IFI16: variants seen among roughly 807,000 people sequenced by gnomAD.
IFI16 encodes gamma-interferon-inducible protein 16.
Under a neutral mutation model 68.4 loss-of-function variants are expected in IFI16, and 49 were observed. The ratio of observed to expected loss-of-function variants is 0.72; its 90% CI spans 0.57 to 0.91. The LOEUF is 0.91. Ranked by LOEUF, IFI16 falls within the 40% of genes least tolerant of loss-of-function variation. The pLI is 0.00. For missense variants in IFI16, 878 were observed against 942.9 expected (o/e 0.93, Z 0.90); for synonymous variants, 307 against 315.0 (o/e 0.97, Z 0.27).
chr1:159,014,817 T>C lies in IFI16; in HGVS notation c.137T>C (p.Ile46Thr). 1 of 1,614,126 alleles carries C rather than the reference T, an allele frequency of 6.2e-7. No individual in the cohort carries two copies. Among genetic ancestry groups the C allele is most frequent in the Non-Finnish European group, 8.5e-7 (1 of 1,179,964 alleles). The change falls in exon 2 of 12, where the codon ATT becomes ACT. Residue 46 changes from isoleucine to threonine, a missense_variant. Physicochemically the swap from Ile to Thr is moderately conservative, Grantham distance 89. Around this residue, in one of 4 missense-constraint regions of IFI16, gnomAD observed 65 missense variants for 96.9 expected, o/e 0.67. Transcript: ENST00000295809. The part of the protein sequence containing the change: ...NLKMREEYDK[I>T]QIADLMEEKF... ...AAAATGAGAGAAGAGTATGACAAAATTCAGATTGCTGACTTGATGGAAGAA... is the reference window on the plus strand; with the variant it reads ...AAAATGAGAGAAGAGTATGACAAAACTCAGATTGCTGACTTGATGGAAGAA...
intron 1 of IFI16, among the ~76,000 whole-genome samples, chr1:159,013,452 G>A (rs922743442): frequency 1.3e-5 from 2 of 152,132 alleles, no homozygotes; most frequent in African/African-American, 4.8e-5. Flanking sequence ...ACAGGCGTGA[G>A]CCACTGCGCC....
intron 6 of IFI16, among the ~76,000 whole-genome samples, chr1:159,029,219 G>T (rs767190681): frequency 5.3e-5 from 8 of 152,096 alleles, no homozygotes; most frequent in Admixed American, 1.3e-4. Flanking sequence ...GCATTTGTTT[G>T]TCTGAAAGAG....
chr1:159,052,979 T>A (rs951732988), intron 10 of IFI16: 17 of 152,442 alleles, frequency 1.1e-4, no homozygotes, highest in African/African-American at 4.1e-4. Flanking sequence ...GTAGAGTTAA[T>A]GAATAATGAG....
intron 7 of IFI16, among the ~76,000 whole-genome samples, chr1:159,042,680 T>C (rs1422947016): frequency 1.3e-5 from 2 of 152,214 alleles, no homozygotes; most frequent in Non-Finnish European, 2.9e-5. Context: ...TTTCTATTTC[T>C]TTAGAGCATT....
At chr1:159,014,539 C>T in intron 1 of IFI16, 122 bp from the exon 2 acceptor site, 1 of 584,076 alleles carries the variant, frequency 1.7e-6, no homozygotes, top group Non-Finnish European at 2.9e-6. Context: ...GTCGTTGAGT[C>T]CTTCTTTATC....
At chr1:159,026,607 C>T (rs978107081) in intron 6 of IFI16, among the ~76,000 whole-genome samples, 2 of 152,086 alleles carry the variant, frequency 1.3e-5, no homozygotes. Flanking sequence ...CCAATATGGT[C>T]ATTTTCACGA....
intron 3 of IFI16, 82 bp from the exon 4 acceptor site, chr1:159,016,450 TA>T: frequency 7.9e-7 from 1 of 1,263,068 alleles, no homozygotes; most frequent in Non-Finnish European, 1.1e-6. Context: ...TTAGGAATAA[TA>T]AAACTACTAT....
At chr1:159,020,120 T>G (rs1358822343) in intron 5 of IFI16, among the ~76,000 whole-genome samples, 1 of 152,178 alleles carries the variant, frequency 6.6e-6, no homozygotes, top group African/African-American at 2.4e-5. Context: ...AGAAAACTCA[T>G]TGTTCTAGAA....
At chr1:159,046,691 A>C (rs1315906566) in intron 8 of IFI16, among the ~76,000 whole-genome samples, 1 of 150,994 alleles carries the variant, frequency 6.6e-6, no homozygotes, top group Non-Finnish European at 1.5e-5. Context: ...CTTTGATATC[A>C]AATTTTTCCA....
In IFI16 at chr1:159,045,434, A is replaced by G. The variant is rs776548466; in HGVS notation, c.1467A>G (p.Pro489=). 4.4e-6 allele frequency: 7 copies of G among 1,588,952 alleles called. No individual in the cohort carries two copies. The highest frequency in any genetic ancestry group is 6.0e-6 in the Non-Finnish European group (7 of 1,166,180). ...ESHPHTPQMP[P]STPSSSFLTT... ...ATCCCCACACTCCTCAGATGCCTCC[A>G]TCAACACCAAGCAGCAGTTTCTTAA... The change falls in exon 8 of 12, where the codon CCA becomes CCG. Residue 489 remains proline, a synonymous_variant. Coordinates refer to ENST00000295809, the MANE Select transcript of IFI16 (RefSeq NM_001376587.1).
chr1:159,032,868 T>C (rs1379277645), intron 7 of IFI16, among the ~76,000 whole-genome samples, 177 bp downstream of exon 7: 1 of 152,100 alleles, frequency 6.6e-6, no homozygotes, highest in African/African-American at 2.4e-5. Flanking sequence ...CACATCATAA[T>C]CTTTACTATC....
chr1:159,007,664 A>AT (rs1370508026), upstream of IFI16, among the ~76,000 whole-genome samples: 1 of 152,166 alleles, frequency 6.6e-6, no homozygotes, highest in Non-Finnish European at 1.5e-5. Flanking sequence ...TGGGGTCCTC[A>AT]TAATGTGATT....
chr1:159,011,298 C>T (rs761399651), intron 1 of IFI16, among the ~76,000 whole-genome samples: 3 of 151,804 alleles, frequency 2.0e-5, no homozygotes, highest in Middle Eastern at 3.4e-3. Context: ...GCAGGAGAAT[C>T]GCTTGAACCA....
Position 159,016,612 on chromosome 1 carries a change from C to G in IFI16, c.461C>G (p.Pro154Arg). The G allele has an allele frequency of 6.2e-7, 1 of 1,614,164 alleles. No individual in the cohort carries two copies. Among genetic ancestry groups the G allele is most frequent in the Non-Finnish European group, 8.5e-7 (1 of 1,179,998 alleles). Residue 154 changes from proline (P) to arginine (R), a missense_variant, in exon 4 of 12, where the codon CCT (proline) becomes CGT (arginine). Coordinates refer to ENST00000295809, the MANE Select transcript of IFI16 (RefSeq NM_001376587.1). ...GAGGAACAGACTCAGCCTCCCTCTC[C>G]TGCAGGAGCCGGCATGTCCACAGCC... ...VSEEQTQPPS[P>R]AGAGMSTAMG...
At chr1:159,020,272 G>A in intron 5 of IFI16, 69 bp from the exon 6 acceptor site, 1 of 1,119,778 alleles carries the variant, frequency 8.9e-7, no homozygotes, top group Non-Finnish European at 1.3e-6. Flanking sequence ...CTCTTAGAAG[G>A]GACTTCAGCC....
intron 5 of IFI16, among the ~76,000 whole-genome samples, chr1:159,019,346 C>T (rs12057552): frequency 0.043 from 6,567 of 152,010 alleles, 309 homozygotes; most frequent in African/African-American, 0.12. Context: ...CATTCCACCC[C>T]GCAAAAAAGC....
At chr1:159,016,794 G>T in intron 4 of IFI16, 94 bp downstream of exon 4, 1 of 1,148,880 alleles carries the variant, frequency 8.7e-7, no homozygotes, top group East Asian at 2.4e-5. Context: ...TCGATAATTT[G>T]CTAGTTAATC....
chr1:159,002,371 C>T (rs1224847721), upstream of IFI16, among the ~76,000 whole-genome samples: 2 of 151,104 alleles, frequency 1.3e-5, no homozygotes, highest in Non-Finnish European at 2.9e-5. Flanking sequence ...CACCAACCCT[C>T]AGATATATAG....
upstream of IFI16, among the ~76,000 whole-genome samples, chr1:159,002,341 A>T (rs754891935): frequency 2.6e-5 from 4 of 152,162 alleles, no homozygotes; most frequent in Non-Finnish European, 4.4e-5. Context: ...AAAAAAAACT[A>T]GTGTTATTTG....
Sources: gnomAD v4.1 joint callset for allele counts (sites outside exome capture counted in the v4.1 genomes callset) on GRCh38, gnomAD v4.1.1 for gene constraint, gnomAD v4.1.1 regional missense constraint, MANE v1.5 for transcripts, NCBI Gene and HGNC (gene_info 2026-07-23, HGNC 2026-07-21) for gene names.